Variants in PDCD10 observed in about 807,000 individuals in gnomAD.
PDCD10 encodes the protein programmed cell death protein 10.
PDCD10 carries 4 observed loss-of-function variants against 29.2 expected under a neutral mutation model. The ratio of observed to expected loss-of-function variants is 0.14; its 90% confidence interval spans 0.07 to 0.31. The LOEUF is 0.31. Among genes scored for constraint, PDCD10 ranks in the 10% least tolerant of loss-of-function variants. PDCD10 has a pLI of 1.00. For synonymous variants in PDCD10, 70 were observed against 82.2 expected (o/e 0.85, Z 0.80); for missense variants, 183 against 257.9 (o/e 0.71, Z 1.99).
chr3:167,717,974 A>T (rs1723182488), intron 3 of PDCD10, among the ~76,000 whole-genome samples: 1 of 152,114 alleles, frequency 6.6e-6, no homozygotes. Context: ...CCTCCATTCA[A>T]GTAAGGGCTC....
At chr3:167,688,709 C>G (rs926997291) in intron 6 of PDCD10, among the ~76,000 whole-genome samples, 1 of 152,118 alleles carries the variant, frequency 6.6e-6, no homozygotes, top group Non-Finnish European at 1.5e-5. Context: ...ACAAAAACTT[C>G]AAATGCAATG....
intron 7 of PDCD10, 78 bp downstream of exon 7, chr3:167,687,537 T>G: frequency 1.1e-6 from 1 of 877,688 alleles, no homozygotes; most frequent in Non-Finnish European, 1.9e-6. Flanking sequence ...ACAATCAATC[T>G]TATTTTTAAG....
chr3:167,718,730 G>A (rs1188465639), intron 3 of PDCD10, among the ~76,000 whole-genome samples: 1 of 151,304 alleles, frequency 6.6e-6, no homozygotes, highest in Non-Finnish European at 1.5e-5. Context: ...GATGTGATGG[G>A]TGGCTCTTCA....
chr3:167,729,107 C>T (rs915031589), intron 2 of PDCD10, among the ~76,000 whole-genome samples: 34 of 152,164 alleles, frequency 2.2e-4, no homozygotes, highest in Admixed American at 1.8e-3. Flanking sequence ...CTGAGAGCCA[C>T]AGTGAGCTCT....
At chr3:167,706,333 C>T (rs143017481) in intron 3 of PDCD10, among the ~76,000 whole-genome samples, 2 of 152,284 alleles carry the variant, frequency 1.3e-5, no homozygotes, top group East Asian at 1.9e-4. Flanking sequence ...AGTCATGCAT[C>T]GCTTAATGAT....
chr3:167,711,284 G>C (rs921126918), intron 3 of PDCD10, among the ~76,000 whole-genome samples: 3 of 152,144 alleles, frequency 2.0e-5, no homozygotes, highest in African/African-American at 7.2e-5. Flanking sequence ...AGATAACACA[G>C]AGAAAGAATT....
At chr3:167,725,075 G>C (rs948850549) in intron 2 of PDCD10, among the ~76,000 whole-genome samples, 3 of 151,998 alleles carry the variant, frequency 2.0e-5, no homozygotes, top group Non-Finnish European at 4.4e-5. Flanking sequence ...TGGCTAATAT[G>C]GTGAAACCCC....
chr3:167,693,348 C>G (rs979746366), intron 6 of PDCD10, among the ~76,000 whole-genome samples: 1 of 152,182 alleles, frequency 6.6e-6, no homozygotes, highest in East Asian at 1.9e-4. Context: ...CATTATTATT[C>G]TCTAAAGTTA....
chr3:167,711,878 G>T (rs1722556787), intron 3 of PDCD10, among the ~76,000 whole-genome samples: 1 of 152,058 alleles, frequency 6.6e-6, no homozygotes. Context: ...TTAAAATGCT[G>T]AAGGAAGAAA....
At chr3:167,703,099 T>G (rs1212547503) in intron 4 of PDCD10, among the ~76,000 whole-genome samples, 1 of 152,152 alleles carries the variant, frequency 6.6e-6, no homozygotes, top group Non-Finnish European at 1.5e-5. Flanking sequence ...GGTCTTCTTC[T>G]CTCTGTTCCT....
intron 2 of PDCD10, chr3:167,731,015 T>C (rs1256940357): frequency 6.6e-6 from 1 of 151,996 alleles, no homozygotes; most frequent in Non-Finnish European, 1.5e-5. Flanking sequence ...AAAGAAAAAA[T>C]TATGGATTCT....
chr3:167,712,529 G>A (rs932446435), intron 3 of PDCD10, among the ~76,000 whole-genome samples: 3 of 151,236 alleles, frequency 2.0e-5, no homozygotes, highest in Non-Finnish European at 4.4e-5. Flanking sequence ...TTTGCTAAAA[G>A]GAAGACAGAA....
Position 167,697,226 on chromosome 3 carries a change from G to A in PDCD10, c.151-100C>T, listed in dbSNP as rs141289095. 5.6e-5 allele frequency: 40 copies of A among 719,842 alleles called. No individual in the cohort carries two copies. In the East Asian group the frequency reaches 1.0e-3, roughly 18 times the overall value. The allele number at this position is 719,842 out of a possible 1,614,324, so 44.6% of individuals were successfully genotyped here. A position where few individuals can be genotyped will look rare whatever the true frequency, so the allele number is the denominator to read the frequency against. The stretch of plus-strand genomic sequence containing the variant: ...GAATCTGTTGGGAGCGTCTTACACT[G>A]ATAACTTTTAAGGGCAGAAATCTTT... On this transcript the variant is annotated intron_variant, in intron 4 of 8. Coordinates refer to ENST00000392750, the MANE Select transcript of PDCD10 (RefSeq NM_007217.4).
At position 167,725,762 on chromosome 3, in the gene PDCD10, T is replaced by TA. The variant is rs1491551934; in HGVS notation, c.-116-5490_-116-5489insT. Among the ~76,000 whole-genome samples, 12 of 81,102 alleles carry TA rather than the reference T, an allele frequency of 1.5e-4. 1 individual carries two copies. The East Asian group carries it at 2.2e-3, about 15-fold the overall frequency. The allele number at this position is 81,102 out of a possible 152,430, so 53.2% of individuals were successfully genotyped here. On this transcript the variant is annotated intron_variant, in intron 2 of 8. Transcript: ENST00000392750. The stretch of plus-strand genomic sequence containing the variant: ...TATATAGCACTTTACCATTGTATCG[T>TA]TTATATATATATATATATATATATA...
intron 6 of PDCD10, among the ~76,000 whole-genome samples, chr3:167,690,081 C>T (rs765760198): frequency 6.6e-6 from 1 of 152,060 alleles, no homozygotes; most frequent in Admixed American, 6.6e-5. Flanking sequence ...AAATAAATAT[C>T]GCATAACTAA....
At chr3:167,701,256 T>C (rs553364952) in intron 4 of PDCD10, among the ~76,000 whole-genome samples, 2 of 152,312 alleles carry the variant, frequency 1.3e-5, no homozygotes, top group South Asian at 2.1e-4. Context: ...TAGAGATACC[T>C]ATATATCTCT....
At chr3:167,729,276 T>C (rs1724539312) in intron 2 of PDCD10, among the ~76,000 whole-genome samples, 1 of 152,222 alleles carries the variant, frequency 6.6e-6, no homozygotes, top group Admixed American at 6.5e-5. Context: ...TTGAAGTTGT[T>C]AGTCTACAAC....
intron 8 of PDCD10, 150 bp from the exon 9 acceptor site, chr3:167,684,539 T>C: frequency 1.7e-6 from 1 of 604,320 alleles, no homozygotes; most frequent in Non-Finnish European, 3.0e-6. Context: ...ATTTAGGATA[T>C]AATAGTCTTG....
In PDCD10 at chr3:167,684,221, T is replaced by C; in HGVS notation, c.*87A>G. On this transcript the variant is annotated 3_prime_UTR_variant, in exon 9 of 9. Coordinates refer to ENST00000392750, the MANE Select transcript of PDCD10 (RefSeq NM_007217.4). ...ATTAGATCCCTTCAGGAGGGACTGA[T>C]AATTTATACAGTCAAACTTTAAAAT... The C allele has an allele frequency of 1.3e-6, 1 of 779,604 alleles. No homozygotes were observed. Among genetic ancestry groups the C allele is most frequent in the Non-Finnish European group, 2.3e-6 (1 of 430,504 alleles). 48.3% of individuals were successfully genotyped at this position (779,604 alleles called of 1,614,324 possible).
Sources: allele counts gnomAD v4.1 joint callset (sites outside exome capture counted in the v4.1 genomes callset), GRCh38; gene constraint gnomAD v4.1.1; transcripts MANE v1.5; gene names NCBI Gene and HGNC (gene_info 2026-07-23, HGNC 2026-07-21).